Variants in NHSL3 observed in about 807,000 individuals in gnomAD.
The protein encoded by NHSL3 is NHS like 3.
At chr1:32,771,935 G>C in the NHSL3 span, 4 of 1,600,578 alleles carry the variant, frequency 2.5e-6, no homozygotes, top group South Asian at 1.1e-5. Flanking sequence ...CTGTCAGGGC[G>C]GGCCAGCCCA....
At chr1:32,744,995 G>A in the NHSL3 span, among the ~76,000 whole-genome samples, 2 of 151,848 alleles carry the variant, frequency 1.3e-5, no homozygotes, top group African/African-American at 2.4e-5. Context: ...ACAAGGTGGC[G>A]TGCACCTGTA....
the NHSL3 span, among the ~76,000 whole-genome samples, chr1:32,757,248 G>A: frequency 6.6e-6 from 1 of 152,178 alleles, no homozygotes; most frequent in South Asian, 2.1e-4. Context: ...GAGGTCTGGA[G>A]TCTGCAGGCC....
chr1:32,771,102 C>G, the NHSL3 span: 1 of 1,613,790 alleles, frequency 6.2e-7, no homozygotes, highest in African/African-American at 1.3e-5. Flanking sequence ...CTGACCCAGC[C>G]CCCTCAGACC....
chr1:32,771,970 C>T, the NHSL3 span: 3 of 1,606,320 alleles, frequency 1.9e-6, no homozygotes, highest in African/African-American at 2.7e-5. Context: ...CTCAGGGCTC[C>T]ATGCTGCGGT....
At chr1:32,765,695 A>T in the NHSL3 span, 2 of 1,540,532 alleles carry the variant, frequency 1.3e-6, no homozygotes, top group South Asian at 2.4e-5. Context: ...GCTGGGTTAC[A>T]GTGAAGGTAC....
the NHSL3 span, among the ~76,000 whole-genome samples, chr1:32,757,233 G>A: frequency 6.6e-6 from 1 of 152,196 alleles, no homozygotes; most frequent in Non-Finnish European, 1.5e-5. Flanking sequence ...TACAAGGCAG[G>A]GAGAGAGGTC....
At chr1:32,770,784 GCCAC>G in the NHSL3 span, 1 of 1,585,146 alleles carries the variant, frequency 6.3e-7, no homozygotes, top group Non-Finnish European at 8.6e-7. This position sits in a 1 kb window ranked among gnomAD's most constrained non-coding sequence, Gnocchi z 8.3. Flanking sequence ...AGCTGCCTCG[GCCAC>G]CCACCACTGG....
chr1:32,765,605 A>G, the NHSL3 span: 4 of 1,509,288 alleles, frequency 2.7e-6, no homozygotes, highest in Non-Finnish European at 3.5e-6. Context: ...TGGGAGGAGG[A>G]CATGGAGAGC....
the NHSL3 span, among the ~76,000 whole-genome samples, chr1:32,754,519 A>C: frequency 6.6e-6 from 1 of 152,168 alleles, no homozygotes; most frequent in East Asian, 1.9e-4. Context: ...ATGTATACCT[A>C]TGCATGCGGT....
At chr1:32,769,882 C>G in the NHSL3 span, 8 of 1,610,514 alleles carry the variant, frequency 5.0e-6, no homozygotes, top group Non-Finnish European at 6.8e-6. Context: ...CCTTCCAGGC[C>G]TGAGGAATGA....
chr1:32,746,412 G>A, the NHSL3 span, among the ~76,000 whole-genome samples: 3 of 152,232 alleles, frequency 2.0e-5, no homozygotes, highest in East Asian at 1.9e-4. Context: ...GGAGGCGAGC[G>A]CCTATGGAAG....
chr1:32,754,937 G>T, the NHSL3 span, among the ~76,000 whole-genome samples: 1 of 52,162 alleles, frequency 1.9e-5, no homozygotes, highest in Non-Finnish European at 4.9e-5. Context: ...CCCCTCCCCC[G>T]TCCCCACGGT....
chr1:32,755,343 G>C, the NHSL3 span, among the ~76,000 whole-genome samples: 1 of 152,204 alleles, frequency 6.6e-6, no homozygotes, highest in African/African-American at 2.4e-5. Context: ...GCCCTGCTGT[G>C]GTGGGAGAAT....
the NHSL3 span, among the ~76,000 whole-genome samples, chr1:32,746,967 C>T: frequency 1.3e-5 from 2 of 152,074 alleles, no homozygotes; most frequent in East Asian, 1.9e-4. Flanking sequence ...TTGAGAGCTA[C>T]CCTGCCAGGC....
chr1:32,767,436 G>A, the NHSL3 span, among the ~76,000 whole-genome samples: 1 of 152,094 alleles, frequency 6.6e-6, no homozygotes, highest in East Asian at 1.9e-4. Context: ...GTTTATACTC[G>A]GATGCCCTTT....
At chr1:32,770,370 C>T in the NHSL3 span, 1 of 1,609,286 alleles carries the variant, frequency 6.2e-7, no homozygotes, top group African/African-American at 1.3e-5. The surrounding 1 kb of genome is among the most constrained non-coding windows in gnomAD (Gnocchi z 8.3). Flanking sequence ...GGCGCTTCTC[C>T]TCCGTCTCCA....
the NHSL3 span, among the ~76,000 whole-genome samples, chr1:32,755,423 T>C: frequency 2.0e-5 from 3 of 151,970 alleles, no homozygotes; most frequent in Non-Finnish European, 4.4e-5. Flanking sequence ...ATCTCATCGC[T>C]CCATGGAGGG....
At chr1:32,761,809 AGTGGGTGG>A in the NHSL3 span, among the ~76,000 whole-genome samples, 3 of 147,552 alleles carry the variant, frequency 2.0e-5, no homozygotes, top group Admixed American at 6.7e-5. Context: ...TGATAAGAAG[AGTGGGTGG>A]GTGGGTGGAT....
chr1:32,769,668 C>T, the NHSL3 span: 2 of 1,609,304 alleles, frequency 1.2e-6, no homozygotes, highest in African/African-American at 2.7e-5. Flanking sequence ...ACGACTGGCC[C>T]CCAGGCTCCA....
Sources: gnomAD v4.1 joint callset for allele counts (sites outside exome capture counted in the v4.1 genomes callset) on GRCh38, gnomAD v4.1.1 for gene constraint, Gnocchi (gnomAD v3.1) non-coding constraint, MANE v1.5 for transcripts, NCBI Gene and HGNC (gene_info 2026-07-23, HGNC 2026-07-21) for gene names.